The following GLT1D1 variants were observed in gnomAD, a reference collection of about 807,000 sequenced individuals.
GLT1D1 encodes glycosyltransferase 1 domain containing 1, also known as glycosyltransferase 1 domain-containing protein 1.
Under a neutral mutation model 28.7 loss-of-function variants are expected in GLT1D1, and 21 were observed. That is an observed-to-expected ratio of 0.73 (90% confidence interval 0.52 to 1.05). The LOEUF (loss-of-function observed/expected upper bound fraction) is 1.05. Among genes scored for constraint, GLT1D1 ranks in the 50% least tolerant of loss-of-function variants. The pLI is 0.00. For missense variants in GLT1D1, 343 were observed against 330.6 expected (o/e 1.04, Z -0.29); for synonymous variants, 147 against 124.8 (o/e 1.18, Z -1.19).
At chr12:128,879,385 T>C (rs867034322) in intron 2 of GLT1D1, among the ~76,000 whole-genome samples, 1,305 of 42,956 alleles carry the variant, frequency 0.03, 30 homozygotes, top group Middle Eastern at 0.075. Context: ...TCTTTTTCTT[T>C]CTTTCTTTCT....
intron 4 of GLT1D1, among the ~76,000 whole-genome samples, chr12:128,939,105 C>G (rs186701917): frequency 8.1e-4 from 123 of 152,146 alleles, no homozygotes; most frequent in Admixed American, 3.3e-3. Flanking sequence ...AAGATGATGT[C>G]GTGTCACGGT....
chr12:128,891,584 A>T (rs1006798493), intron 3 of GLT1D1, among the ~76,000 whole-genome samples: 2 of 152,136 alleles, frequency 1.3e-5, no homozygotes, highest in Non-Finnish European at 2.9e-5. Flanking sequence ...CTGGCCAGGG[A>T]ATTTGGGACA....
At chr12:128,970,528 G>A (rs1304418296) in intron 7 of GLT1D1, among the ~76,000 whole-genome samples, 1 of 152,202 alleles carries the variant, frequency 6.6e-6, no homozygotes, top group African/African-American at 2.4e-5. Context: ...CTGCAGCTGA[G>A]GACCCTCTGG....
At chr12:128,945,211 G>A (rs1015087542) in intron 4 of GLT1D1, 115 bp from the exon 9 acceptor site, 98 of 1,070,930 alleles carry the variant, frequency 9.2e-5, no homozygotes, top group South Asian at 1.4e-4. Context: ...CCCCGTGGCC[G>A]CAGACCGAGG....
chr12:128,881,667 TA>T (rs1310440302), intron 2 of GLT1D1, among the ~76,000 whole-genome samples: 2 of 140,324 alleles, frequency 1.4e-5, no homozygotes, highest in African/African-American at 2.6e-5. Context: ...ATATAATATA[TA>T]AAAATATATA....
intron 7 of GLT1D1, among the ~76,000 whole-genome samples, chr12:128,962,252 G>A: frequency 6.6e-6 from 1 of 152,262 alleles, no homozygotes; most frequent in East Asian, 1.9e-4. Flanking sequence ...AGTGGGATTG[G>A]GGCAGTCAAC....
rs528268956 is a variant in GLT1D1, at chr12:128,965,307, G to A, written c.639+7664G>A. Among the ~76,000 whole-genome samples the A allele has an allele frequency of 6.1e-4, 93 of 152,320 alleles. 1 individual carries two copies. Among genetic ancestry groups the A allele is most frequent in the African/African-American group, 2.1e-3 (89 of 41,572 alleles). On this transcript the variant is annotated intron_variant, in intron 7 of 7. Coordinates refer to ENST00000281703, the MANE Select transcript of GLT1D1 (RefSeq NM_144669.3). The stretch of plus-strand genomic sequence containing the variant: ...CTCTAGGAGCTGGGGGCGACCCCTG[G>A]TTGACAGCCAGTGGGAGAAAGATGG...
intron 2 of GLT1D1, among the ~76,000 whole-genome samples, chr12:128,884,324 A>C (rs977525143): frequency 6.6e-6 from 1 of 152,242 alleles, no homozygotes; most frequent in Non-Finnish European, 1.5e-5. Flanking sequence ...CATGGTTCTC[A>C]CTTGTATGTG....
chr12:128,948,330 T>G (rs1438036877), intron 6 of GLT1D1, among the ~76,000 whole-genome samples: 1 of 152,174 alleles, frequency 6.6e-6, no homozygotes, highest in Non-Finnish European at 1.5e-5. Flanking sequence ...TGTTAGTTCA[T>G]TGCCCTGGGG....
At chr12:128,917,047 G>T (rs1027984367) in intron 4 of GLT1D1, among the ~76,000 whole-genome samples, 1 of 150,698 alleles carries the variant, frequency 6.6e-6, no homozygotes, top group Admixed American at 6.6e-5. Context: ...GTAGGGATCT[G>T]TTTTTTTTTC....
At chr12:128,882,444 T>C (rs1168391408) in intron 2 of GLT1D1, among the ~76,000 whole-genome samples, 1 of 151,936 alleles carries the variant, frequency 6.6e-6, no homozygotes, top group Non-Finnish European at 1.5e-5. Context: ...GCCCTGCTAA[T>C]TTTTGTATTT....
intron 1 of GLT1D1, among the ~76,000 whole-genome samples, chr12:128,858,670 CAAAAAAA>C (rs139166927): frequency 8.8e-6 from 1 of 113,726 alleles, no homozygotes; most frequent in Admixed American, 9.5e-5. Context: ...GACTCAGTCT[CAAAAAAA>C]AAAAAAAAAT....
rs1286060573 is a variant in GLT1D1 at position 128,888,723 on chromosome 12, G to A, written c.302G>A (p.Gly101Asp). 4 of 1,611,460 alleles carry A rather than the reference G, an allele frequency of 2.5e-6. No homozygotes were observed. Among genetic ancestry groups the A allele is most frequent in the South Asian group, 2.2e-5 (2 of 90,972 alleles). ...CAGGCGGAAAAAAACACAGTCATGG[G>A]CAGAGTTCTTGAGGAAGCCAGGTAA... The change falls in exon 3 of 8, where the codon GGC becomes GAC. Residue 101 changes from glycine (G) to aspartate (D), a missense_variant. Coordinates refer to ENST00000281703, the MANE Select transcript of GLT1D1 (RefSeq NM_144669.3).
chr12:128,881,097 G>A (rs532287258), intron 2 of GLT1D1, among the ~76,000 whole-genome samples: 5 of 151,580 alleles, frequency 3.3e-5, no homozygotes, highest in Admixed American at 6.6e-5. Flanking sequence ...GTTGGCGGGC[G>A]CCTGTAGTTC....
chr12:128,880,597 T>C (rs1187087205), intron 2 of GLT1D1, among the ~76,000 whole-genome samples: 2 of 152,230 alleles, frequency 1.3e-5, no homozygotes, highest in Non-Finnish European at 2.9e-5. Flanking sequence ...GGACCTTCTC[T>C]GCACCAGTTG....
chr12:128,893,881 C>T (rs1254712057), intron 3 of GLT1D1, among the ~76,000 whole-genome samples: 1 of 152,094 alleles, frequency 6.6e-6, no homozygotes, highest in Non-Finnish European at 1.5e-5. Flanking sequence ...CATCACGCCC[C>T]ACTAATTGTT....
intron 4 of GLT1D1, among the ~76,000 whole-genome samples, chr12:128,928,781 T>C (rs953536756): frequency 2.6e-5 from 4 of 151,838 alleles, no homozygotes; most frequent in Non-Finnish European, 5.9e-5. Context: ...CCACCACACC[T>C]GGCTAATTTT....
At chr12:128,929,654 A>G (rs748045709) in intron 4 of GLT1D1, among the ~76,000 whole-genome samples, 1 of 152,186 alleles carries the variant, frequency 6.6e-6, no homozygotes, top group Non-Finnish European at 1.5e-5. Context: ...AAGGGCCACA[A>G]AAGGTATTAA....
Position 128,982,937 on chromosome 12 carries a change from T to C in GLT1D1, c.648T>C (p.Val216=), listed in dbSNP as rs763635818. Residue 216 remains valine (V), a synonymous_variant, in exon 8 of 8, where the codon GTT becomes GTC. Coordinates refer to ENST00000281703, the MANE Select transcript of GLT1D1 (RefSeq NM_144669.3). Reference sequence around the variant, plus strand: ...TCCTTCCTTTTTTGCAGGAGTTTGTTCATCTGGCAAAGAGACTGGTTAGTG... The same window carrying C: ...TCCTTCCTTTTTTGCAGGAGTTTGTCCATCTGGCAAAGAGACTGGTTAGTG... 6.2e-6 allele frequency: 10 copies of C among 1,614,074 alleles called. No individual in the cohort carries two copies. The highest frequency in any genetic ancestry group is 7.6e-6 in the Non-Finnish European group (9 of 1,179,938).
Sources: allele counts gnomAD v4.1 joint callset (sites outside exome capture counted in the v4.1 genomes callset), GRCh38; gene constraint gnomAD v4.1.1; transcripts MANE v1.5; gene names NCBI Gene and HGNC (gene_info 2026-07-23, HGNC 2026-07-21).